The following SEMA4B variants were observed in gnomAD, a reference collection of about 807,000 sequenced individuals.
The protein encoded by SEMA4B is semaphorin-4B.
SEMA4B carries 55 observed loss-of-function variants against 88.1 expected under a neutral mutation model. That is an observed-to-expected ratio of 0.62 (90% CI 0.50 to 0.78). The LOEUF (loss-of-function observed/expected upper bound fraction) is 0.78, where lower values mean the gene tolerates loss of function less well. Ranked by LOEUF, SEMA4B falls within the 30% of genes least tolerant of loss-of-function variation. The pLI is 0.00. For missense variants in SEMA4B, 1,062 were observed against 1,111.9 expected (o/e 0.96, Z 0.64); for synonymous variants, 525 against 473.6 (o/e 1.11, Z -1.41).
chr15:90,225,231 G>C lies in SEMA4B; in HGVS notation c.1406-51G>C, dbSNP rs1596159154. 3.9e-6 allele frequency: 6 copies of C among 1,554,954 alleles called. No homozygotes were observed. In the South Asian group the frequency reaches 5.9e-5, roughly 15 times the overall value. ...GGGGAAGGGGTGCACGTGGCTGGTG[G>C]GTCATGGGCAGTGGGCTCCACCCAG... On this transcript the variant is annotated intron_variant, in intron 10 of 13. Coordinates refer to ENST00000411539, the MANE Select transcript of SEMA4B (RefSeq NM_198925.4).
Position 90,229,327 on chromosome 15 carries a change from A to G in SEMA4B, c.*684A>G, listed in dbSNP as rs1962383644. On this transcript the variant is annotated 3_prime_UTR_variant, in exon 14 of 14. Coordinates refer to ENST00000411539, the MANE Select transcript of SEMA4B (RefSeq NM_198925.4). ...TGTGGCCACACGAGAGGACAGCGCG[A>G]GCTCAGGAGAGATTTCGTGACAATG... 2.2e-6 allele frequency: 1 copy of G among 456,858 alleles called. No homozygotes were observed. Among genetic ancestry groups the G allele is most frequent in the Non-Finnish European group, 4.4e-6 (1 of 227,008 alleles). 28.3% of individuals were successfully genotyped at this position (456,858 alleles called of 1,614,324 possible).
intron 5 of SEMA4B, 42 bp from the exon 6 acceptor site, chr15:90,221,325 C>T (rs1022754594): frequency 1.3e-5 from 19 of 1,476,450 alleles, no homozygotes; most frequent in East Asian, 4.9e-5. Flanking sequence ...GAGAAGGGGC[C>T]GTGCTGAGGA....
upstream of SEMA4B, among the ~76,000 whole-genome samples, chr15:90,197,717 G>A (rs553848325): frequency 1.1e-4 from 17 of 151,724 alleles, no homozygotes; most frequent in South Asian, 1.7e-3. Flanking sequence ...GATTACAGGC[G>A]TGAGCCACCA....
At chr15:90,224,520 C>T (rs982938157) in intron 9 of SEMA4B, among the ~76,000 whole-genome samples, 3 of 152,212 alleles carry the variant, frequency 2.0e-5, no homozygotes, top group Admixed American at 6.5e-5. Context: ...TTGCTGTGGG[C>T]AGCTGGAGCT....
chr15:90,212,781 G>A lies in SEMA4B; in HGVS notation c.158-4658G>A, dbSNP rs756308796. 2.4e-4 allele frequency among the ~76,000 whole-genome samples: 36 copies of A among 152,276 alleles called. No individual in the cohort carries two copies. Among genetic ancestry groups the A allele is most frequent in the Non-Finnish European group, 4.7e-4 (32 of 68,026 alleles). ...ACTCACACCGAGCACAGACCAGCTCGCGCCCACAACACGAGCCTGTGACAC... is the reference window on the plus strand; with the variant it reads ...ACTCACACCGAGCACAGACCAGCTCACGCCCACAACACGAGCCTGTGACAC... On this transcript the variant is annotated intron_variant, in intron 1 of 13. Transcript: ENST00000411539. The surrounding 1 kb of genome is among the most constrained non-coding windows in gnomAD (Gnocchi z 4.0).
rs757238914 is a variant in SEMA4B, at chr15:90,228,283, C to G, written c.2154C>G (p.Phe718Leu). The G allele has an allele frequency of 7.5e-6, 12 of 1,589,806 alleles. No homozygotes were observed. In the South Asian group the frequency reaches 1.3e-4, roughly 17 times the overall value. Residue 718 changes from phenylalanine (F) to leucine (L), a missense_variant, in exon 14 of 14, where the codon TTC becomes TTG. Phe to Leu is a conservative substitution (Grantham distance 22). Coordinates refer to ENST00000411539, the MANE Select transcript of SEMA4B (RefSeq NM_198925.4). ...CAGACAGGTCCTACTGGAAGGAGTT[C>G]CTGGTGATGTGCACGCTCTTTGTGC... ...WGADRSYWKE[F>L]LVMCTLFVLA... is the part of the protein sequence containing the mutation.
rs756137282 is a variant in SEMA4B, at chr15:90,219,898, G to A, written c.483+7G>A. ...CCCCATGTGTACCTACATCGTGAGT[G>A]ACCTGTCCTCAGCCCTGAGGCTGAC... On this transcript the variant is annotated splice_region_variant and intron_variant, in intron 4 of 13. Coordinates refer to ENST00000411539, the MANE Select transcript of SEMA4B (RefSeq NM_198925.4). The A allele has an allele frequency of 1.2e-5, 20 of 1,602,558 alleles. No homozygotes were observed. Among genetic ancestry groups the A allele is most frequent in the Non-Finnish European group, 1.5e-5 (18 of 1,171,708 alleles).
intron 1 of SEMA4B, among the ~76,000 whole-genome samples, chr15:90,208,391 T>C (rs1483651815): frequency 6.6e-6 from 1 of 152,226 alleles, no homozygotes; most frequent in Non-Finnish European, 1.5e-5. Context: ...GCAGCACGTG[T>C]CTGGGGCCTA....
chr15:90,201,098 C>T (rs1248498554), upstream of SEMA4B, among the ~76,000 whole-genome samples: 1 of 152,172 alleles, frequency 6.6e-6, no homozygotes, highest in Non-Finnish European at 1.5e-5. Context: ...GGGCCAGGGC[C>T]TGGGCGGCGG....
Position 90,201,559 on chromosome 15 carries a change from C to T in SEMA4B, c.-20C>T, listed in dbSNP as rs1243824477. On this transcript the variant is annotated 5_prime_UTR_variant, in exon 1 of 14. Coordinates refer to ENST00000411539, the MANE Select transcript of SEMA4B (RefSeq NM_198925.4). ...CCACCTGAGCCCGAGCCGCGGGACA[C>T]CGTCGCTCCTGCTCTCCGAATGCTG... 1 of 1,458,034 alleles carries T rather than the reference C, an allele frequency of 6.9e-7. No homozygotes were observed. Among genetic ancestry groups the T allele is most frequent in the Non-Finnish European group, 9.0e-7 (1 of 1,110,148 alleles). The allele number at this position is 1,458,034 out of a possible 1,614,324, so 90.3% of individuals were successfully genotyped here. A position where few individuals can be genotyped will look rare whatever the true frequency, so the allele number is the denominator to read the frequency against.
In SEMA4B at chr15:90,201,615, G is replaced by A; in HGVS notation, c.37G>A (p.Ala13Thr). The part of the protein sequence containing the change: ...RTAMGLRSWL[A>T]APWGALPPRP... ...CGCGATGGGCCTGAGGAGCTGGCTCGCCGCCCCATGGGGCGCGCTGCCGCC... is the reference window on the plus strand; with the variant it reads ...CGCGATGGGCCTGAGGAGCTGGCTCACCGCCCCATGGGGCGCGCTGCCGCC... The change falls in exon 1 of 14, where the codon GCC becomes ACC. Residue 13 changes from alanine to threonine, a missense_variant. Coordinates refer to ENST00000411539, the MANE Select transcript of SEMA4B (RefSeq NM_198925.4). 1 of 1,514,588 alleles carries A rather than the reference G, an allele frequency of 6.6e-7. No individual in the cohort carries two copies. Among genetic ancestry groups the A allele is most frequent in the Non-Finnish European group, 8.8e-7 (1 of 1,139,054 alleles). The allele number at this position is 1,514,588 out of a possible 1,614,324, so 93.8% of individuals were successfully genotyped here.
Position 90,227,906 on chromosome 15 carries a change from G to C in SEMA4B, c.1777G>C (p.Glu593Gln). ...VVSPSFVPTG[E>Q]KPCEQVQFQP... ...CCCCATGCCTTTTCTGCCTACAGGG[G>C]AGAAGCCATGTGAGCAAGTCCAGTT... The change falls in exon 14 of 14, where the codon GAG becomes CAG. Residue 593 changes from glutamate (E) to glutamine (Q), a missense_variant and splice_region_variant. Transcript: ENST00000411539. The C allele has an allele frequency of 1.2e-6, 2 of 1,611,220 alleles. No individual in the cohort carries two copies. Among genetic ancestry groups the C allele is most frequent in the Non-Finnish European group, 1.7e-6 (2 of 1,179,820 alleles).
At chr15:90,221,228 G>C in intron 5 of SEMA4B, 135 bp downstream of exon 5, 3 of 1,117,518 alleles carry the variant, frequency 2.7e-6, no homozygotes, top group South Asian at 2.7e-5. Context: ...GCTTGCCTTG[G>C]GTTTGGTTTT....
chr15:90,217,940 A>G, intron 3 of SEMA4B, 111 bp downstream of exon 3: 1 of 886,268 alleles, frequency 1.1e-6, no homozygotes, highest in Non-Finnish European at 1.8e-6. Context: ...TATGGTGGGA[A>G]GGGCATAAGC....
chr15:90,185,087 C>T, intron 1 of SEMA4B: 3 of 983,516 alleles, frequency 3.1e-6, no homozygotes, highest in Non-Finnish European at 3.6e-6. Flanking sequence ...TCCAGGTAGG[C>T]GCGGGGGGTG....
chr15:90,191,754 C>G (rs1417651957), intron 1 of SEMA4B, among the ~76,000 whole-genome samples: 3 of 152,138 alleles, frequency 2.0e-5, no homozygotes, highest in Non-Finnish European at 2.9e-5. Context: ...GTTGCCAGAC[C>G]CTGGGTAAAA....
At chr15:90,196,548 G>A (rs1031140263), upstream of SEMA4B, among the ~76,000 whole-genome samples, 57 of 152,146 alleles carry the variant, frequency 3.7e-4, no homozygotes, top group Admixed American at 3.3e-3. Context: ...GTGCAGTGGC[G>A]TGATCTCGGA....
intron 1 of SEMA4B, chr15:90,206,956 T>C (rs1241042143): frequency 5.0e-6 from 3 of 595,104 alleles, no homozygotes; most frequent in South Asian, 3.3e-5. Flanking sequence ...GAACTTCTAA[T>C]GCAAGAAATG....
At position 90,225,332 on chromosome 15, in the gene SEMA4B, A is replaced by G. The variant is rs1302753717; in HGVS notation, c.1456A>G (p.Ile486Val). ...GAGCGTGGGCCCCCGGGTGCACATC[A>G]TTGAGGAGCTGCAGATCTTCTCATC... ...AVSVGPRVHI[I>V]EELQIFSSGQ... The change falls in exon 11 of 14, where the codon ATT (isoleucine) becomes GTT (valine). Residue 486 changes from isoleucine (I) to valine (V), a missense_variant. Ile to Val is a conservative substitution (Grantham distance 29, BLOSUM62 3). Transcript: ENST00000411539. 1.9e-6 allele frequency: 3 copies of G among 1,558,540 alleles called. No individual in the cohort carries two copies. The highest frequency in any genetic ancestry group is 1.9e-5 in the Admixed American group (1 of 51,732).
Sources: gnomAD v4.1 joint callset for allele counts (sites outside exome capture counted in the v4.1 genomes callset) on GRCh38, gnomAD v4.1.1 for gene constraint, Gnocchi (gnomAD v3.1) non-coding constraint, MANE v1.5 for transcripts, NCBI Gene and HGNC (gene_info 2026-07-23, HGNC 2026-07-21) for gene names.